The following DNAJC5 variants were observed in gnomAD, a reference collection of about 807,000 sequenced individuals.
DNAJC5 encodes DnaJ heat shock protein family (Hsp40) member C5.
A neutral mutation model predicts 23.2 loss-of-function variants in DNAJC5; 1 was observed. The observed-to-expected ratio is 0.04, with a 90% CI of 0.02 to 0.20. The LOEUF is 0.20. Ranked by LOEUF, DNAJC5 falls within the 10% of genes least tolerant of loss-of-function variation. The probability of loss-of-function intolerance (pLI) is 1.00; values close to 1 mark genes in which losing one functional copy is unlikely to be tolerated. For missense variants in DNAJC5, 180 were observed against 267.0 expected (o/e 0.67, Z 2.27); for synonymous variants, 136 against 120.0 (o/e 1.13, Z -0.87).
chr20:63,929,684 A>AGTCACTCCTGCCGTGCGGGCG lies in DNAJC5; in HGVS notation c.321+159_321+160insGTCACTCCTGCCGTGCGGGCG, dbSNP rs749945571. 0.029 allele frequency among the ~76,000 whole-genome samples: 2,833 copies of AGTCACTCCTGCCGTGCGGGCG among 98,060 alleles called. 336 individuals are homozygous for AGTCACTCCTGCCGTGCGGGCG. The highest frequency in any genetic ancestry group is 0.094 in the African/African-American group (1,903 of 20,316). The allele number at this position is 98,060 out of a possible 152,430, so 64.3% of individuals were successfully genotyped here. On this transcript the variant is annotated intron_variant, in intron 3 of 4. Coordinates refer to ENST00000360864, the MANE Select transcript of DNAJC5 (RefSeq NM_025219.3). This position sits in a 1 kb window ranked among gnomAD's most constrained non-coding sequence, Gnocchi z 8.6. ...CCCGAGTCTCTCCTGCCGTGCGGGCACCCGAGTCACTCCTGCCGTGCGGGC... is the reference window on the plus strand; with the variant it reads ...CCCGAGTCTCTCCTGCCGTGCGGGCAGTCACTCCTGCCGTGCGGGCGCCCGAGTCACTCCTGCCGTGCGGGC...
At chr20:63,909,189 G>A (rs151251129) in intron 1 of DNAJC5, 8,075 of 151,968 alleles carry the variant, frequency 0.053, 412 homozygotes, top group East Asian at 0.2. Flanking sequence ...CAGCACTTTG[G>A]GAAGCCGAGG....
rs1221175012 is a variant in DNAJC5 at position 63,929,308 on chromosome 20, G to T, written c.108-4G>T. On this transcript the variant is annotated splice_polypyrimidine_tract_variant and splice_region_variant and intron_variant, in intron 2 of 4. Transcript: ENST00000360864. This position sits in a 1 kb window ranked among gnomAD's most constrained non-coding sequence, Gnocchi z 8.6. ...TAGAGCCAGGACATGGTTTTGGTTTGCAGGAAGCTTGCCTTGAAATATCAC... is the reference window on the plus strand; with the variant it reads ...TAGAGCCAGGACATGGTTTTGGTTTTCAGGAAGCTTGCCTTGAAATATCAC... 1 of 1,613,092 alleles carries T rather than the reference G, an allele frequency of 6.2e-7. No homozygotes were observed. The highest frequency in any genetic ancestry group is 1.1e-5 in the South Asian group (1 of 90,988).
At chr20:63,907,296 G>A (rs1306030326) in intron 1 of DNAJC5, among the ~76,000 whole-genome samples, 1 of 152,120 alleles carries the variant, frequency 6.6e-6, no homozygotes, top group East Asian at 1.9e-4. Flanking sequence ...TCCTTAGCAC[G>A]GTGACTGCAA....
chr20:63,932,805 G>T lies in DNAJC5; in HGVS notation c.*1237G>T, dbSNP rs1265715157. ...ACCATTGTGGGTCCCTGGGAGGCCG[G>T]CAGCCAGGCCACGGAATCCACACGT... On this transcript the variant is annotated 3_prime_UTR_variant, in exon 5 of 5. Transcript: ENST00000360864. This position sits in a 1 kb window ranked among gnomAD's most constrained non-coding sequence, Gnocchi z 4.4. The T allele has an allele frequency of 6.6e-6, 1 of 152,252 alleles. No individual in the cohort carries two copies. The highest frequency in any genetic ancestry group is 1.9e-4 in the East Asian group (1 of 5,322). The allele number at this position is 152,252 out of a possible 1,614,324, so 9.4% of individuals were successfully genotyped here. A position where few individuals can be genotyped will look rare whatever the true frequency, so the allele number is the denominator to read the frequency against.
chr20:63,934,720 G>A lies in DNAJC5; in HGVS notation c.*3152G>A. 1 of 152,236 alleles carries A rather than the reference G, an allele frequency of 6.6e-6. No homozygotes were observed. The highest frequency in any genetic ancestry group is 1.9e-4 in the East Asian group (1 of 5,202). 9.4% of individuals were successfully genotyped at this position (152,236 alleles called of 1,614,324 possible). A position where few individuals can be genotyped will look rare whatever the true frequency, so the allele number is the denominator to read the frequency against. ...GTTAGTGCAGCCAGCACCCAGTGGG[G>A]ACCTACTAGAAAAAGGAACTGGCAT... On this transcript the variant is annotated 3_prime_UTR_variant, in exon 5 of 5. Coordinates refer to ENST00000360864, the MANE Select transcript of DNAJC5 (RefSeq NM_025219.3).
chr20:63,899,431 G>A (rs559362464), intron 1 of DNAJC5, among the ~76,000 whole-genome samples: 1 of 152,318 alleles, frequency 6.6e-6, no homozygotes, highest in South Asian at 2.1e-4. Flanking sequence ...GTGCATGTGT[G>A]TTAATGAGGA....
chr20:63,913,576 T>C (rs1318476529), intron 1 of DNAJC5, among the ~76,000 whole-genome samples: 1 of 151,948 alleles, frequency 6.6e-6, no homozygotes, highest in Non-Finnish European at 1.5e-5. Flanking sequence ...TTTGTATTTT[T>C]ATTTTTTATT....
chr20:63,910,117 G>A (rs906591169), intron 1 of DNAJC5, among the ~76,000 whole-genome samples: 2 of 152,166 alleles, frequency 1.3e-5, no homozygotes, highest in South Asian at 2.1e-4. Flanking sequence ...TGTTCCTGGG[G>A]GTGCTTGCTT....
chr20:63,930,180 T>A (rs949800053), intron 3 of DNAJC5, among the ~76,000 whole-genome samples: 1 of 152,134 alleles, frequency 6.6e-6, no homozygotes, highest in Non-Finnish European at 1.5e-5. Context: ...ATAAAGTACT[T>A]TTTATTTAGT....
chr20:63,899,739 G>A (rs993909871), intron 1 of DNAJC5, among the ~76,000 whole-genome samples: 2 of 151,050 alleles, frequency 1.3e-5, no homozygotes, highest in East Asian at 2.0e-4. Context: ...TCGCCACCAC[G>A]CCAGGCTAAT....
rs1000647004 is a variant in DNAJC5 at position 63,901,391 on chromosome 20, C to T, written c.-12+6068C>T. 5.3e-5 allele frequency among the ~76,000 whole-genome samples: 8 copies of T among 152,314 alleles called. No individual in the cohort carries two copies. In the South Asian group the frequency reaches 6.2e-4, roughly 12 times the overall value. ...GCTGTCTCTAGAGCGCGGCTGACTT[C>T]GGGGAGAGCTCTCCCTGCCCTGTGC... On this transcript the variant is annotated intron_variant, in intron 1 of 4. Coordinates refer to ENST00000360864, the MANE Select transcript of DNAJC5 (RefSeq NM_025219.3).
chr20:63,926,740 G>A (rs1384529130), intron 1 of DNAJC5, among the ~76,000 whole-genome samples: 1 of 152,172 alleles, frequency 6.6e-6, no homozygotes, highest in Non-Finnish European at 1.5e-5. Context: ...CGGGACCCCC[G>A]TGGACTGGGA....
chr20:63,927,535 TCC>T (rs542283695), intron 1 of DNAJC5, among the ~76,000 whole-genome samples: 1 of 138,402 alleles, frequency 7.2e-6, no homozygotes, highest in Non-Finnish European at 1.6e-5. Flanking sequence ...AGCAAAACTG[TCC>T]CCCCCCCCAA....
rs1487307898 is a variant in DNAJC5, at chr20:63,933,661, G to A, written c.*2093G>A. On this transcript the variant is annotated 3_prime_UTR_variant, in exon 5 of 5. Coordinates refer to ENST00000360864, the MANE Select transcript of DNAJC5 (RefSeq NM_025219.3). ...AGCAGCAAGTTCAGCCTGAGATGCT[G>A]GCTGTACTCAGCCTTTGCAATTTTT... is the stretch of plus-strand genomic sequence containing the variant. The A allele has an allele frequency of 6.6e-6, 1 of 152,394 alleles. No homozygotes were observed. The highest frequency in any genetic ancestry group is 1.5e-5 in the Non-Finnish European group (1 of 68,054). The allele number at this position is 152,394 out of a possible 1,614,324, so 9.4% of individuals were successfully genotyped here. A position where few individuals can be genotyped will look rare whatever the true frequency, so the allele number is the denominator to read the frequency against.
intron 1 of DNAJC5, among the ~76,000 whole-genome samples, chr20:63,922,843 A>G (rs1223028925): frequency 2.0e-5 from 3 of 152,160 alleles, no homozygotes; most frequent in Admixed American, 2.0e-4. Flanking sequence ...ATTCCTTTCT[A>G]AAAATCTAGG....
At chr20:63,903,598 C>T (rs768977498) in intron 1 of DNAJC5, among the ~76,000 whole-genome samples, 3 of 152,102 alleles carry the variant, frequency 2.0e-5, no homozygotes, top group Non-Finnish European at 4.4e-5. Flanking sequence ...TGAGCCACTG[C>T]GCTCGGCCCA....
rs745853097 is a variant in DNAJC5 at position 63,935,865 on chromosome 20, G to A, written c.*4297G>A. On this transcript the variant is annotated 3_prime_UTR_variant, in exon 5 of 5. Coordinates refer to ENST00000360864, the MANE Select transcript of DNAJC5 (RefSeq NM_025219.3). Reference sequence around the variant, plus strand: ...TTTTGTCACTGGCGTCCTGGAATCCGACCGTGTTGGGGTGCAGGCGCTGTC... The same window carrying A: ...TTTTGTCACTGGCGTCCTGGAATCCAACCGTGTTGGGGTGCAGGCGCTGTC... 2 of 152,220 alleles carry A rather than the reference G, an allele frequency of 1.3e-5. No individual in the cohort carries two copies. The highest frequency in any genetic ancestry group is 2.9e-5 in the Non-Finnish European group (2 of 68,044). The allele number at this position is 152,220 out of a possible 1,614,324, so 9.4% of individuals were successfully genotyped here.
At chr20:63,926,554 G>A (rs2053617757) in intron 1 of DNAJC5, among the ~76,000 whole-genome samples, 1 of 152,232 alleles carries the variant, frequency 6.6e-6, no homozygotes, top group African/African-American at 2.4e-5. Flanking sequence ...GATTTGTTAT[G>A]AGGAATTGGC....
intron 1 of DNAJC5, among the ~76,000 whole-genome samples, chr20:63,921,787 T>C (rs1283460161): frequency 6.6e-6 from 1 of 151,608 alleles, no homozygotes; most frequent in East Asian, 1.9e-4. Flanking sequence ...CCTTGAAAGT[T>C]TTTTTTTTGG....
Sources: allele counts gnomAD v4.1 joint callset (sites outside exome capture counted in the v4.1 genomes callset), GRCh38; gene constraint gnomAD v4.1.1; non-coding constraint Gnocchi (gnomAD v3.1); transcripts MANE v1.5; gene names NCBI Gene and HGNC (gene_info 2026-07-23, HGNC 2026-07-21).